Variants in SOD2 observed in about 807,000 individuals in gnomAD.
SOD2 encodes the protein superoxide dismutase [Mn], mitochondrial.
SOD2 carries 11 observed loss-of-function variants against 27.0 expected under a neutral mutation model. The observed-to-expected ratio is 0.41, with a 90% CI of 0.26 to 0.67. The LOEUF (loss-of-function observed/expected upper bound fraction) is 0.67. SOD2 is among the 30% of genes least tolerant of loss of function. The probability of loss-of-function intolerance (pLI) is 0.34; values close to 1 mark genes in which losing one functional copy is unlikely to be tolerated. For missense variants in SOD2, 250 were observed against 274.5 expected, an observed-to-expected ratio of 0.91 and a Z score of 0.63; for synonymous variants, 105 against 103.0, an observed-to-expected ratio of 1.02 and a Z score of -0.12.
chr6:159,712,406 CTCTGATCACCATA>C (rs1777826879), intron 1 of SOD2, among the ~76,000 whole-genome samples: 1 of 99,534 alleles, frequency 1.0e-5, no homozygotes, highest in Non-Finnish European at 2.3e-5. Flanking sequence ...ACTCACACTG[CTCTGATCACCATA>C]ACCACCTCCA....
At chr6:159,716,722 T>C (rs1175949520) in intron 1 of SOD2, among the ~76,000 whole-genome samples, 4 of 152,210 alleles carry the variant, frequency 2.6e-5, no homozygotes, top group African/African-American at 7.2e-5. Flanking sequence ...AGAGGTGCTA[T>C]TGGCATCTAG....
upstream of SOD2, chr6:159,693,343 G>A (rs1777336606): frequency 1.3e-5 from 3 of 227,270 alleles, no homozygotes; most frequent in Non-Finnish European, 1.4e-5. Flanking sequence ...CCCCCCCCGC[G>A]GGCCCCGCCC....
chr6:159,750,846 C>CTT (rs35685019), intron 1 of SOD2, among the ~76,000 whole-genome samples: 1 of 152,042 alleles, frequency 6.6e-6, no homozygotes, highest in Non-Finnish European at 1.5e-5. Flanking sequence ...CAGGCAATCC[C>CTT]GTCTGGAATA....
upstream of SOD2, among the ~76,000 whole-genome samples, chr6:159,728,217 G>A (rs1037097811): frequency 2.8e-4 from 42 of 152,344 alleles, no homozygotes; most frequent in African/African-American, 9.1e-4. Flanking sequence ...AATTATTGCA[G>A]ATTTTTGTGA....
At chr6:159,704,956 T>C (rs550567128) in intron 1 of SOD2, among the ~76,000 whole-genome samples, 1 of 152,296 alleles carries the variant, frequency 6.6e-6, no homozygotes, top group African/African-American at 2.4e-5. Context: ...GCAGCAACAT[T>C]TGCTGTTCAG....
At chr6:159,699,208 C>T (rs1459876408) in intron 1 of SOD2, among the ~76,000 whole-genome samples, 1 of 152,198 alleles carries the variant, frequency 6.6e-6, no homozygotes, top group East Asian at 1.9e-4. Flanking sequence ...CCTGATTGGC[C>T]TGCTGTCCCA....
upstream of SOD2, among the ~76,000 whole-genome samples, chr6:159,729,551 A>G (rs1562449415): frequency 6.7e-6 from 1 of 149,666 alleles, no homozygotes; most frequent in Non-Finnish European, 1.5e-5. Context: ...TTTTATGTTC[A>G]TATTATGTTC....
intron 2 of SOD2, among the ~76,000 whole-genome samples, chr6:159,690,096 C>T (rs188871868): frequency 2.1e-4 from 31 of 150,030 alleles, no homozygotes; most frequent in African/African-American, 5.9e-4. Flanking sequence ...CCAGCCTGGA[C>T]GACATGGAAA....
Position 159,677,812 on chromosome 6 carries a change from G to T in SOD2, c.*4681C>A, listed in dbSNP as rs1013137381. 1 of 152,178 alleles carries T rather than the reference G, an allele frequency of 6.6e-6. No homozygotes were observed. The highest frequency in any genetic ancestry group is 1.5e-5 in the Non-Finnish European group (1 of 68,034). 9.4% of individuals were successfully genotyped at this position (152,178 alleles called of 1,614,324 possible). ...ATGAGAAATATATAAAATACTATTT[G>T]TGATCATGTTATTTATAAGAAATAT... On this transcript the variant is annotated 3_prime_UTR_variant, in exon 5 of 5. Transcript: ENST00000538183.
chr6:159,753,346 C>A, intron 1 of SOD2: 2 of 1,390,882 alleles, frequency 1.4e-6, no homozygotes, highest in East Asian at 2.4e-5. Flanking sequence ...TATGGGGAAG[C>A]ATCTGCTGTG....
chr6:159,731,765 A>C (rs1433339632), upstream of SOD2, among the ~76,000 whole-genome samples: 1 of 152,168 alleles, frequency 6.6e-6, no homozygotes, highest in Non-Finnish European at 1.5e-5. Context: ...ATTCTTTTTG[A>C]GATGGGGAAA....
chr6:159,725,798 T>G, intron 1 of SOD2: 1 of 152,000 alleles, frequency 6.6e-6, no homozygotes, highest in East Asian at 1.9e-4. Flanking sequence ...AGTAAATACA[T>G]AAAAGCATAT....
At chr6:159,685,136 A>C in intron 3 of SOD2, 103 bp from the exon 4 acceptor site, 1 of 685,884 alleles carries the variant, frequency 1.5e-6, no homozygotes. Flanking sequence ...CATAGGGCCC[A>C]AGAAATTAGA....
intron 3 of SOD2, among the ~76,000 whole-genome samples, chr6:159,686,559 A>C (rs1362742247): frequency 6.6e-6 from 1 of 152,184 alleles, no homozygotes; most frequent in Non-Finnish European, 1.5e-5. Flanking sequence ...GAGGCAGAGA[A>C]TCACTTGAAC....
chr6:159,704,347 G>T (rs144298012), intron 1 of SOD2, among the ~76,000 whole-genome samples: 6 of 152,352 alleles, frequency 3.9e-5, no homozygotes, highest in Non-Finnish European at 7.3e-5. Flanking sequence ...CCTGGGAAGC[G>T]CAAGGGATCA....
chr6:159,751,429 A>G (rs1239845255), intron 1 of SOD2, among the ~76,000 whole-genome samples: 4 of 152,258 alleles, frequency 2.6e-5, no homozygotes, highest in Non-Finnish European at 5.9e-5. Context: ...GCAAGAAGAC[A>G]GTTTTGAGAG....
chr6:159,694,094 C>T (rs5746086), upstream of SOD2, among the ~76,000 whole-genome samples: 226 of 152,352 alleles, frequency 1.5e-3, 2 homozygotes, highest in Non-Finnish European at 2.7e-3. Context: ...ACCTTCCTCA[C>T]TACTAAGCCC....
At chr6:159,733,346 G>T (rs1282233162) in intron 1 of SOD2, among the ~76,000 whole-genome samples, 1 of 152,228 alleles carries the variant, frequency 6.6e-6, no homozygotes, top group East Asian at 1.9e-4. Context: ...GCAGGGTGCA[G>T]TGGCTCACGC....
At chr6:159,738,190 C>CT (rs1376037731) in intron 1 of SOD2, among the ~76,000 whole-genome samples, 1 of 152,198 alleles carries the variant, frequency 6.6e-6, no homozygotes, top group Non-Finnish European at 1.5e-5. Context: ...CATATCTGAA[C>CT]TATCACCATA....
Sources: allele counts gnomAD v4.1 joint callset (sites outside exome capture counted in the v4.1 genomes callset), GRCh38; gene constraint gnomAD v4.1.1; transcripts MANE v1.5; gene names NCBI Gene and HGNC (gene_info 2026-07-23, HGNC 2026-07-21).